The following DOK6 variants were observed in gnomAD, a reference collection of about 807,000 sequenced individuals.
DOK6 encodes docking protein 6.
In DOK6, 22 loss-of-function variants were observed where a neutral mutation model predicts 44.0. The observed-to-expected ratio is 0.50, with a 90% CI of 0.36 to 0.71. The LOEUF (loss-of-function observed/expected upper bound fraction) is 0.71. Among genes scored for constraint, DOK6 ranks in the 30% least tolerant of loss-of-function variants. DOK6 has a pLI of 0.00. For missense variants in DOK6, 340 were observed against 416.4 expected (o/e 0.82, Z 1.60); for synonymous variants, 166 against 145.5 (o/e 1.14, Z -1.01).
At chr18:69,837,091 C>T (rs1304734538) in intron 7 of DOK6, among the ~76,000 whole-genome samples, 1 of 152,142 alleles carries the variant, frequency 6.6e-6, no homozygotes, top group Non-Finnish European at 1.5e-5. Context: ...GAAAGCGATG[C>T]TGACCTTGAG....
intron 2 of DOK6, among the ~76,000 whole-genome samples, chr18:69,589,284 T>C (rs1237500774): frequency 1.3e-5 from 2 of 152,092 alleles, no homozygotes; most frequent in East Asian, 1.9e-4. Context: ...ATAAATATTT[T>C]CCATCCTAAT....
In DOK6 at chr18:69,842,378, G is replaced by C. The variant is rs771176858; in HGVS notation, c.*995G>C. 6.6e-6 allele frequency: 1 copy of C among 152,130 alleles called. No homozygotes were observed. Among genetic ancestry groups the C allele is most frequent in the East Asian group, 1.9e-4 (1 of 5,190 alleles). The allele number at this position is 152,130 out of a possible 1,614,324, so 9.4% of individuals were successfully genotyped here. On this transcript the variant is annotated 3_prime_UTR_variant, in exon 8 of 8. Transcript: ENST00000382713. Reference sequence around the variant, plus strand: ...GTGAGGAGGATTCCATGTGAACGCCGATCAGCTTCCATTTAACCTTGAGAG... The same window carrying C: ...GTGAGGAGGATTCCATGTGAACGCCCATCAGCTTCCATTTAACCTTGAGAG...
At chr18:69,827,298 G>C (rs1389126305) in intron 7 of DOK6, among the ~76,000 whole-genome samples, 1 of 151,916 alleles carries the variant, frequency 6.6e-6, no homozygotes, top group Admixed American at 6.6e-5. Flanking sequence ...TTTGGATTTG[G>C]GTATAATTCA....
rs762299083 is a variant in DOK6 at position 69,739,080 on chromosome 18, C to T, written c.715C>T (p.Leu239=). The T allele has an allele frequency of 6.2e-7, 1 of 1,613,992 alleles. No homozygotes were observed. The highest frequency in any genetic ancestry group is 8.5e-7 in the Non-Finnish European group (1 of 1,179,882). Residue 239 remains leucine (L), a synonymous_variant, in exon 6 of 8, where the codon CTA becomes TTA. Coordinates refer to ENST00000382713, the MANE Select transcript of DOK6 (RefSeq NM_152721.6). ...AIAEQHERLM[L]EMEQKARLQT... ...AGCTGAGCAACATGAAAGATTAATG[C>T]TAGAAATGGAACAGAAGGCCCGGGT...
In DOK6 at chr18:69,739,107, A is replaced by T; in HGVS notation, c.738+4A>T. The T allele has an allele frequency of 6.2e-7, 1 of 1,613,802 alleles. No individual in the cohort carries two copies. Among genetic ancestry groups the T allele is most frequent in the Non-Finnish European group, 8.5e-7 (1 of 1,179,768 alleles). ...AGAAATGGAACAGAAGGCCCGGGTA[A>T]GGCCCCTTCCTTGGTAACCTATCAG... On this transcript the variant is annotated splice_donor_region_variant and intron_variant, in intron 6 of 7. Coordinates refer to ENST00000382713, the MANE Select transcript of DOK6 (RefSeq NM_152721.6).
chr18:69,686,134 G>C (rs1285193961), intron 4 of DOK6, among the ~76,000 whole-genome samples: 2 of 151,968 alleles, frequency 1.3e-5, no homozygotes, highest in Admixed American at 6.6e-5. Context: ...TAAAGATATA[G>C]GAAGAAAATG....
rs982336918 is a variant in DOK6 at position 69,843,781 on chromosome 18, A to C, written c.*2398A>C. The C allele has an allele frequency of 6.6e-6, 1 of 152,168 alleles. No individual in the cohort carries two copies. The highest frequency in any genetic ancestry group is 1.5e-5 in the Non-Finnish European group (1 of 68,026). 9.4% of individuals were successfully genotyped at this position (152,168 alleles called of 1,614,324 possible). On this transcript the variant is annotated 3_prime_UTR_variant, in exon 8 of 8. Transcript: ENST00000382713. ...CGTAAAAAGAGTATGTGTGAGAGAA[A>C]TCTCCTTCCCAAGTTTTTAACCAGA...
chr18:69,513,533 A>G (rs1451073775), intron 1 of DOK6, among the ~76,000 whole-genome samples: 1 of 152,234 alleles, frequency 6.6e-6, no homozygotes, highest in Non-Finnish European at 1.5e-5. Context: ...TTTCTAACCA[A>G]CATGACATTG....
Position 69,585,699 on chromosome 18 carries a change from A to T in DOK6, c.175-13685A>T, listed in dbSNP as rs564156079. On this transcript the variant is annotated intron_variant, in intron 2 of 7. Coordinates refer to ENST00000382713, the MANE Select transcript of DOK6 (RefSeq NM_152721.6). ...AAACCAGTTAGGGTTGTGTGTAGGGATACACTGTACTGCTTTTAGCGTCTA... is the reference window on the plus strand; with the variant it reads ...AAACCAGTTAGGGTTGTGTGTAGGGTTACACTGTACTGCTTTTAGCGTCTA... Among the ~76,000 whole-genome samples the T allele has an allele frequency of 5.9e-5, 9 of 152,312 alleles. No individual in the cohort carries two copies. In the East Asian group the frequency reaches 7.7e-4, roughly 13 times the overall value.
At chr18:69,704,810 T>A (rs1986598090) in intron 5 of DOK6, among the ~76,000 whole-genome samples, 2 of 152,112 alleles carry the variant, frequency 1.3e-5, no homozygotes, top group Non-Finnish European at 2.9e-5. Context: ...AAAAGAATGA[T>A]CCAGAAAAAG....
chr18:69,423,254 A>G (rs143696762), intron 1 of DOK6, among the ~76,000 whole-genome samples: 167 of 152,300 alleles, frequency 1.1e-3, no homozygotes, highest in African/African-American at 3.9e-3. Flanking sequence ...GTGAGCTGCG[A>G]TCATGCCACT....
intron 3 of DOK6, chr18:69,663,018 T>A (rs1462551385): frequency 6.6e-6 from 1 of 152,186 alleles, no homozygotes; most frequent in Non-Finnish European, 1.5e-5. Flanking sequence ...ATGTTTTGAA[T>A]CTCAAGTCCC....
In DOK6 at chr18:69,811,524, TTATATATATATATATATATA is replaced by T. The variant is rs57486782; in HGVS notation, c.857-29686_857-29667del. ...TAATTAGCTTGATTTAACCATTCCATTATATATATATATATATATATATATATATATATATATATATATAT... is the reference window on the plus strand; with the variant it reads ...TAATTAGCTTGATTTAACCATTCCATTATATATATATATATATATATATAT... On this transcript the variant is annotated intron_variant, in intron 7 of 7. Coordinates refer to ENST00000382713, the MANE Select transcript of DOK6 (RefSeq NM_152721.6). 4.3e-3 allele frequency among the ~76,000 whole-genome samples: 401 copies of T among 93,724 alleles called. 1 individual carries two copies. The highest frequency in any genetic ancestry group is 5.9e-3 in the Middle Eastern group (1 of 170). The allele number at this position is 93,724 out of a possible 152,430, so 61.5% of individuals were successfully genotyped here. A position where few individuals can be genotyped will look rare whatever the true frequency, so the allele number is the denominator to read the frequency against.
At chr18:69,627,376 T>C (rs1214801358) in intron 3 of DOK6, among the ~76,000 whole-genome samples, 1 of 152,196 alleles carries the variant, frequency 6.6e-6, no homozygotes, top group East Asian at 1.9e-4. Flanking sequence ...GGGGGATGTT[T>C]CTGCTGCTCA....
At chr18:69,640,069 A>G (rs1984903931) in intron 3 of DOK6, among the ~76,000 whole-genome samples, 1 of 152,126 alleles carries the variant, frequency 6.6e-6, no homozygotes. Context: ...TGCTCATTTT[A>G]TTGCATACAC....
intron 1 of DOK6, among the ~76,000 whole-genome samples, chr18:69,497,646 T>C (rs534817493): frequency 2.6e-5 from 4 of 152,298 alleles, no homozygotes; most frequent in Admixed American, 2.0e-4. Flanking sequence ...CTATTGGAAA[T>C]AGAAGATACT....
chr18:69,772,023 A>T (rs998177343), intron 7 of DOK6, among the ~76,000 whole-genome samples: 1 of 151,610 alleles, frequency 6.6e-6, no homozygotes, highest in Non-Finnish European at 1.5e-5. Context: ...AAAAAAAAAA[A>T]AAAATGGCTT....
At chr18:69,419,019 G>T (rs757078885) in intron 1 of DOK6, among the ~76,000 whole-genome samples, 2 of 152,216 alleles carry the variant, frequency 1.3e-5, no homozygotes, top group East Asian at 3.9e-4. Context: ...TCTGTGAAAT[G>T]AGGTTTGTAT....
At chr18:69,405,083 T>C (rs1025237656) in intron 1 of DOK6, among the ~76,000 whole-genome samples, 1 of 152,134 alleles carries the variant, frequency 6.6e-6, no homozygotes. Flanking sequence ...TGAGCACCTA[T>C]TGAGAATTTT....
Sources: gnomAD v4.1 joint callset for allele counts (sites outside exome capture counted in the v4.1 genomes callset) on GRCh38, gnomAD v4.1.1 for gene constraint, MANE v1.5 for transcripts, NCBI Gene and HGNC (gene_info 2026-07-23, HGNC 2026-07-21) for gene names.